The following UGT2A2 variants were observed in gnomAD, a reference collection of about 807,000 sequenced individuals.
The protein encoded by UGT2A2 is UDP-glucuronosyltransferase 2A2.
In UGT2A2, 60 loss-of-function variants were observed where a neutral mutation model predicts 50.7. That is an observed-to-expected ratio of 1.18 (90% CI 0.96 to 1.47). The LOEUF is 1.47. Among genes scored for constraint, UGT2A2 ranks in the 40% most tolerant of loss-of-function variants. UGT2A2 has a pLI of 0.00. For synonymous variants in UGT2A2, 242 were observed against 214.6 expected, an observed-to-expected ratio of 1.13 and a Z score of -1.11; for missense variants, 762 against 634.0, an observed-to-expected ratio of 1.20 and a Z score of -2.17.
chr4:69,607,382 C>T (rs1052292504), intron 1 of UGT2A2, among the ~76,000 whole-genome samples: 14 of 151,694 alleles, frequency 9.2e-5, no homozygotes, highest in Non-Finnish European at 1.8e-4. Flanking sequence ...AAAGCTGAAC[C>T]TGGATCCCTT....
intron 1 of UGT2A2, among the ~76,000 whole-genome samples, chr4:69,630,754 A>T (rs1721335477): frequency 6.6e-6 from 1 of 152,172 alleles, no homozygotes; most frequent in African/African-American, 2.4e-5. Context: ...GAACTGGTAT[A>T]CAGACCCTAA....
intron 2 of UGT2A2, among the ~76,000 whole-genome samples, chr4:69,597,599 G>A (rs1719005383): frequency 3.9e-5 from 6 of 152,118 alleles, no homozygotes; most frequent in Admixed American, 3.9e-4. Flanking sequence ...TATCTTAAGT[G>A]AAAATAGATT....
intron 1 of UGT2A2, among the ~76,000 whole-genome samples, chr4:69,609,585 C>A (rs1719908887): frequency 6.6e-6 from 1 of 152,074 alleles, no homozygotes; most frequent in Non-Finnish European, 1.5e-5. Context: ...GTTTGCAGAA[C>A]AATGGGAAAT....
intron 1 of UGT2A2, among the ~76,000 whole-genome samples, chr4:69,606,146 C>T (rs1327154519): frequency 7.3e-6 from 1 of 136,238 alleles, no homozygotes; most frequent in African/African-American, 3.0e-5. Flanking sequence ...ACCAATATCC[C>T]TGATGAACAT....
At chr4:69,631,066 A>G (rs1327289400) in intron 1 of UGT2A2, among the ~76,000 whole-genome samples, 15 of 152,160 alleles carry the variant, frequency 9.9e-5, no homozygotes, top group Non-Finnish European at 2.1e-4. Flanking sequence ...TTCTTAAACT[A>G]TAACACTACT....
intron 1 of UGT2A2, among the ~76,000 whole-genome samples, chr4:69,638,296 G>T (rs1366375204): frequency 1.3e-5 from 2 of 152,062 alleles, no homozygotes; most frequent in African/African-American, 4.8e-5. Context: ...ATCAGGACTG[G>T]CCTTGATGGT....
At chr4:69,598,609 C>T (rs891061703) in intron 2 of UGT2A2, among the ~76,000 whole-genome samples, 3 of 152,116 alleles carry the variant, frequency 2.0e-5, no homozygotes, top group Non-Finnish European at 4.4e-5. Context: ...TGAATTTACA[C>T]TTTGTACTAC....
At chr4:69,630,789 A>T (rs1721337894) in intron 1 of UGT2A2, among the ~76,000 whole-genome samples, 1 of 152,118 alleles carries the variant, frequency 6.6e-6, no homozygotes. Flanking sequence ...ATGCAATTCT[A>T]CCGCTGGAGG....
chr4:69,639,201 C>A lies in UGT2A2; in HGVS notation c.440G>T (p.Arg147Ile), dbSNP rs766599220. 1 of 1,613,698 alleles carries A rather than the reference C, an allele frequency of 6.2e-7. No homozygotes were observed. The change falls in exon 1 of 6, where the codon AGA becomes ATA. Residue 147 changes from arginine (R) to isoleucine (I), a missense_variant. Physicochemically the swap from Arg to Ile is moderately conservative, Grantham distance 97 (BLOSUM62 -3). Transcript: ENST00000604629. ...CACATCAAAACCACCTTTCTGAAGTCTTGCCATCAACTTTGGGTTCTTTAG... is the reference window on the plus strand; with the variant it reads ...CACATCAAAACCACCTTTCTGAAGTATTGCCATCAACTTTGGGTTCTTTAG... ...GVLKNPKLMARLQKGGFDVLV... is the reference protein window; with the variant it reads ...GVLKNPKLMAILQKGGFDVLV...
chr4:69,639,522 C>G lies in UGT2A2; in HGVS notation c.119G>C (p.Ser40Thr), dbSNP rs1721934003. The G allele has an allele frequency of 6.2e-7, 1 of 1,613,164 alleles. No individual in the cohort carries two copies. Among genetic ancestry groups the G allele is most frequent in the South Asian group, 1.1e-5 (1 of 90,966 alleles). ...AATAATCTTAATATTTAACCAATGG[C>G]TACCATCTGTAGGCCAAATTAACAC... The part of the protein sequence containing the change: ...GNVLIWPTDG[S>T]HWLNIKIILE... The change falls in exon 1 of 6, where the codon AGC (serine) becomes ACC (threonine). Residue 40 changes from serine (S) to threonine (T), a missense_variant. Physicochemically the swap from Ser to Thr is moderately conservative, Grantham distance 58. Coordinates refer to ENST00000604629, the MANE Select transcript of UGT2A2 (RefSeq NM_001105677.2).
Position 69,623,359 on chromosome 4 carries a change from T to A in UGT2A2, c.742+15540A>T, listed in dbSNP as rs1056650112. Among the ~76,000 whole-genome samples the A allele has an allele frequency of 2.0e-5, 3 of 151,710 alleles. 1 individual carries two copies. In the Admixed American group the frequency reaches 2.0e-4, roughly 10 times the overall value. On this transcript the variant is annotated intron_variant, in intron 1 of 5. Transcript: ENST00000604629. ...ACAGACGCTGAGAAAAGAATTTGAA[T>A]ACAAGTAATTTTTGTGAGAATCATC...
intron 5 of UGT2A2, 144 bp downstream of exon 5, chr4:69,594,333 T>A (rs975996592): frequency 7.0e-6 from 8 of 1,142,422 alleles, no homozygotes; most frequent in African/African-American, 1.6e-5. Context: ...CTTTAGCAGT[T>A]TGGCAAATAA....
rs1267710954 is a variant in UGT2A2 at position 69,601,226 on chromosome 4, G to C, written c.743-1832C>G. 2.0e-5 allele frequency among the ~76,000 whole-genome samples: 3 copies of C among 152,264 alleles called. No homozygotes were observed. In the East Asian group the frequency reaches 5.8e-4, roughly 29 times the overall value. On this transcript the variant is annotated intron_variant, in intron 1 of 5. Coordinates refer to ENST00000604629, the MANE Select transcript of UGT2A2 (RefSeq NM_001105677.2). Reference sequence around the variant, plus strand: ...CTGGAACATTACCCCAACAGCCAGAGAGCTTCCCTCTGATCCTCACTGTGA... The same window carrying C: ...CTGGAACATTACCCCAACAGCCAGACAGCTTCCCTCTGATCCTCACTGTGA...
chr4:69,597,131 T>C (rs558014392), intron 2 of UGT2A2, among the ~76,000 whole-genome samples: 2 of 152,324 alleles, frequency 1.3e-5, no homozygotes, highest in Admixed American at 1.3e-4. Context: ...CGGTTCCTGT[T>C]AAGCATTCAA....
rs556762743 is a variant in UGT2A2 at position 69,599,270 on chromosome 4, G to T, written c.867C>A (p.Cys289Ter). ...CCTTAGGTAAAGGTTTGGCAGGTTT[G>T]CAGTGCAATCCTCCAACAAACTCAA... The part of the protein sequence containing the change: ...PNFEFVGGLH[C>*]KPAKPLPKEM... Residue 289 changes from cysteine to a stop codon, truncating the protein, a stop_gained, in exon 2 of 6, where the codon TGC (cysteine) becomes TGA (stop). Transcript: ENST00000604629. LOFTEE classifies it high-confidence loss of function. 9 of 1,613,658 alleles carry T rather than the reference G, an allele frequency of 5.6e-6. No homozygotes were observed. The highest frequency in any genetic ancestry group is 1.3e-5 in the African/African-American group (1 of 75,030).
intron 1 of UGT2A2, among the ~76,000 whole-genome samples, chr4:69,637,956 AAAAAAAGGAAGG>A (rs1721810035): frequency 6.6e-6 from 1 of 151,248 alleles, no homozygotes; most frequent in Admixed American, 6.6e-5. Flanking sequence ...AGAAGGAAGG[AAAAAAAGGAAGG>A]AAAAAAGGAA....
At chr4:69,622,584 ATATAT>A (rs1720814399) in intron 1 of UGT2A2, among the ~76,000 whole-genome samples, 2 of 151,738 alleles carry the variant, frequency 1.3e-5, no homozygotes, top group Admixed American at 6.6e-5. Context: ...TGAATGAATA[ATATAT>A]TATATCTTAA....
chr4:69,599,369 A>G lies in UGT2A2; in HGVS notation c.768T>C (p.Thr256=). The change falls in exon 2 of 6, where the codon ACT becomes ACC. Residue 256 remains threonine, a synonymous_variant. Coordinates refer to ENST00000604629, the MANE Select transcript of UGT2A2 (RefSeq NM_001105677.2). Reference sequence around the variant, plus strand: ...TTAACCAAATTTCAGCTTTCCCCATAGTCTCACATAACGTAGTGGGTCTTC... The same window carrying G: ...TTAACCAAATTTCAGCTTTCCCCATGGTCTCACATAACGTAGTGGGTCTTC... ...ILGRPTTLCE[T]MGKAEIWLIR... is the part of the protein sequence containing the mutation. 1 of 1,613,824 alleles carries G rather than the reference A, an allele frequency of 6.2e-7. No individual in the cohort carries two copies. Among genetic ancestry groups the G allele is most frequent in the Non-Finnish European group, 8.5e-7 (1 of 1,179,896 alleles).
rs1371756432 is a variant in UGT2A2 at position 69,589,291 on chromosome 4, C to T, written c.*81G>A. ...TGGGAGACGTGTTTTTGTTAAACTCCTTTTGTCTGGAATTAATAGGACTAC... is the reference window on the plus strand; with the variant it reads ...TGGGAGACGTGTTTTTGTTAAACTCTTTTTGTCTGGAATTAATAGGACTAC... On this transcript the variant is annotated 3_prime_UTR_variant, in exon 6 of 6. Coordinates refer to ENST00000604629, the MANE Select transcript of UGT2A2 (RefSeq NM_001105677.2). 2 of 1,413,590 alleles carry T rather than the reference C, an allele frequency of 1.4e-6. No individual in the cohort carries two copies. The highest frequency in any genetic ancestry group is 2.8e-5 in the Admixed American group (1 of 35,456). 87.6% of individuals were successfully genotyped at this position (1,413,590 alleles called of 1,614,324 possible).
Sources: allele counts gnomAD v4.1 joint callset (sites outside exome capture counted in the v4.1 genomes callset), GRCh38; gene constraint gnomAD v4.1.1; transcripts MANE v1.5; gene names NCBI Gene and HGNC (gene_info 2026-07-23, HGNC 2026-07-21).